Variants in FAM135B observed in about 807,000 individuals in gnomAD.
FAM135B encodes the protein family with sequence similarity 135 member B.
Under a neutral mutation model 127.7 loss-of-function variants are expected in FAM135B, and 43 were observed. That is an observed-to-expected ratio of 0.34 (90% CI 0.26 to 0.43). FAM135B has a LOEUF of 0.43. FAM135B is among the 20% of genes least tolerant of loss of function. The pLI is 1.00. For synonymous variants in FAM135B, 670 were observed against 665.1 expected, an observed-to-expected ratio of 1.01 and a Z score of -0.11; for missense variants, 1,558 against 1,725.6, an observed-to-expected ratio of 0.90 and a Z score of 1.72.
chr8:138,368,171 A>C (rs1464339761), intron 1 of FAM135B, among the ~76,000 whole-genome samples, 169 bp from the exon 2 acceptor site: 5 of 152,190 alleles, frequency 3.3e-5, no homozygotes, highest in Non-Finnish European at 5.9e-5. Flanking sequence ...ACAGAGAGAC[A>C]AAATGACTTG....
intron 1 of FAM135B, among the ~76,000 whole-genome samples, chr8:138,413,599 T>TTGAA (rs1428798231): frequency 6.6e-6 from 1 of 152,194 alleles, no homozygotes; most frequent in Non-Finnish European, 1.5e-5. Flanking sequence ...ATACTCTTCA[T>TTGAA]TGAATGAATG....
intron 3 of FAM135B, among the ~76,000 whole-genome samples, chr8:138,273,862 A>T (rs977048836): frequency 6.6e-6 from 1 of 152,034 alleles, no homozygotes; most frequent in Non-Finnish European, 1.5e-5. Flanking sequence ...TTTCTCCGTT[A>T]CTAGCTGTGC....
intron 4 of FAM135B, among the ~76,000 whole-genome samples, chr8:138,264,404 C>T (rs763482261): frequency 5.3e-5 from 8 of 152,184 alleles, no homozygotes; most frequent in Non-Finnish European, 1.0e-4. Flanking sequence ...GAGGTCTCTT[C>T]CACTTTGGGT....
At chr8:138,433,523 C>CAATAAATAAATAAATAAATA (rs144218276) in intron 1 of FAM135B, among the ~76,000 whole-genome samples, 13 of 140,684 alleles carry the variant, frequency 9.2e-5, no homozygotes, top group African/African-American at 3.2e-4. Context: ...GATTCTGTCT[C>CAATAAATAAATAAATAAATA]AATAAATAAA....
chr8:138,272,764 G>A (rs903053644), intron 3 of FAM135B, among the ~76,000 whole-genome samples: 3 of 152,158 alleles, frequency 2.0e-5, no homozygotes, highest in Non-Finnish European at 4.4e-5. Context: ...CCTTCGATTG[G>A]TCATAACTGC....
rs202144100 is a variant in FAM135B, at chr8:138,339,849, G to A, written c.77+28058C>T. Among the ~76,000 whole-genome samples, 31 of 152,328 alleles carry A rather than the reference G, an allele frequency of 2.0e-4. No homozygotes were observed. In the East Asian group the frequency reaches 3.3e-3, roughly 16 times the overall value. ...GCTGGACTCCAAAGAGAGGGGTTCCGTCGCTTCCTGTTCATCAGGATGGAG... is the reference window on the plus strand; with the variant it reads ...GCTGGACTCCAAAGAGAGGGGTTCCATCGCTTCCTGTTCATCAGGATGGAG... On this transcript the variant is annotated intron_variant, in intron 2 of 19. Coordinates refer to ENST00000395297, the MANE Select transcript of FAM135B (RefSeq NM_015912.4).
chr8:138,151,878 C>T lies in FAM135B; in HGVS notation c.2597G>A (p.Arg866Lys), dbSNP rs200922788. ...DAQGHCLPDG[R>K]TENTPGVETK... ...TTCAACACCTGGAGTGTTCTCAGTC[C>T]TGCCATCAGGAAGACAGTGTCCTTG... Residue 866 changes from arginine to lysine, a missense_variant, in exon 13 of 20, where the codon AGG (arginine) becomes AAG (lysine). Around this residue, in one of 5 missense-constraint regions of FAM135B, gnomAD observed 923 missense variants for 865.3 expected, o/e 1.07. Transcript: ENST00000395297. The T allele has an allele frequency of 1.7e-5, 27 of 1,613,888 alleles. No individual in the cohort carries two copies. The highest frequency in any genetic ancestry group is 2.3e-5 in the Non-Finnish European group (27 of 1,179,908).
chr8:138,354,747 T>A (rs1031529806), intron 2 of FAM135B, among the ~76,000 whole-genome samples: 2 of 152,068 alleles, frequency 1.3e-5, no homozygotes, highest in Non-Finnish European at 2.9e-5. Flanking sequence ...CGAAGGAAAA[T>A]GACCCTGAGG....
intron 7 of FAM135B, among the ~76,000 whole-genome samples, chr8:138,210,072 A>G (rs1818021172): frequency 6.6e-6 from 1 of 152,218 alleles, no homozygotes; most frequent in African/African-American, 2.4e-5. Context: ...GATTACTCCC[A>G]TCTCTGAGAG....
chr8:138,297,761 C>A (rs1403031308), intron 3 of FAM135B, among the ~76,000 whole-genome samples: 1 of 152,118 alleles, frequency 6.6e-6, no homozygotes, highest in Non-Finnish European at 1.5e-5. Flanking sequence ...AGCTGAACAT[C>A]CAAGAAGGAA....
At chr8:138,290,309 T>C (rs1825009686) in intron 3 of FAM135B, among the ~76,000 whole-genome samples, 1 of 152,124 alleles carries the variant, frequency 6.6e-6, no homozygotes, top group African/African-American at 2.4e-5. Flanking sequence ...GAGCTGGATT[T>C]CAATCAGAAG....
intron 1 of FAM135B, among the ~76,000 whole-genome samples, chr8:138,413,054 G>A (rs994936896): frequency 9.2e-5 from 14 of 152,266 alleles, no homozygotes; most frequent in African/African-American, 1.7e-4. Flanking sequence ...GACCCGGACC[G>A]TATTCCTTTT....
At chr8:138,443,102 T>C (rs1348742128) in intron 1 of FAM135B, among the ~76,000 whole-genome samples, 2 of 152,088 alleles carry the variant, frequency 1.3e-5, no homozygotes, top group Non-Finnish European at 2.9e-5. Flanking sequence ...AGGCTGTGTG[T>C]TTGTGGAGTT....
At chr8:138,159,040 A>T (rs1167610814) in intron 12 of FAM135B, among the ~76,000 whole-genome samples, 1 of 151,068 alleles carries the variant, frequency 6.6e-6, no homozygotes, top group Non-Finnish European at 1.5e-5. Context: ...TGGGAGGCCG[A>T]GGCGGGTGGA....
chr8:138,272,032 G>GTTTA (rs1823424030), intron 3 of FAM135B, among the ~76,000 whole-genome samples: 1 of 149,926 alleles, frequency 6.7e-6, no homozygotes, highest in African/African-American at 2.5e-5. Context: ...TCCTTAATTT[G>GTTTA]TTTATTCATT....
At chr8:138,346,496 AAGG>A (rs1829419494) in intron 2 of FAM135B, among the ~76,000 whole-genome samples, 1 of 152,220 alleles carries the variant, frequency 6.6e-6, no homozygotes, top group Non-Finnish European at 1.5e-5. Context: ...CATAAAAAGG[AAGG>A]AGATCATGTC....
chr8:138,387,259 G>A (rs1455926499), intron 1 of FAM135B, among the ~76,000 whole-genome samples: 1 of 152,086 alleles, frequency 6.6e-6, no homozygotes, highest in African/African-American at 2.4e-5. Context: ...CTTAAGTCCT[G>A]GCTCTAAAGG....
chr8:138,241,307 T>C lies in FAM135B; in HGVS notation c.669+1635A>G, dbSNP rs1260897075. 6.6e-6 allele frequency among the ~76,000 whole-genome samples: 1 copy of C among 152,148 alleles called. No homozygotes were observed. The highest frequency in any genetic ancestry group is 1.9e-4 in the East Asian group (1 of 5,178). ...CGTCAGGTTCTGAGAAGCTCAGTGGTTGACTGAAGTTCTGCATCTACAAGT... is the reference window on the plus strand; with the variant it reads ...CGTCAGGTTCTGAGAAGCTCAGTGGCTGACTGAAGTTCTGCATCTACAAGT... On this transcript the variant is annotated intron_variant, in intron 7 of 19. Transcript: ENST00000395297. This position sits in a 1 kb window ranked among gnomAD's most constrained non-coding sequence, Gnocchi z 4.8.
intron 2 of FAM135B, among the ~76,000 whole-genome samples, chr8:138,314,889 A>G (rs1826964623): frequency 6.7e-6 from 1 of 150,154 alleles, no homozygotes; most frequent in Non-Finnish European, 1.5e-5. Context: ...CAAAAAAAAA[A>G]AAAAAAAAAA....
Sources: allele counts gnomAD v4.1 joint callset (sites outside exome capture counted in the v4.1 genomes callset), GRCh38; gene constraint gnomAD v4.1.1; regional missense constraint gnomAD v4.1.1; non-coding constraint Gnocchi (gnomAD v3.1); transcripts MANE v1.5; gene names NCBI Gene and HGNC (gene_info 2026-07-23, HGNC 2026-07-21).